Variants in NEK8 observed in about 807,000 individuals in gnomAD.
NEK8 encodes the protein NIMA related kinase 8, also known as serine/threonine-protein kinase Nek8.
NEK8 carries 51 observed loss-of-function variants against 77.2 expected under a neutral mutation model. The ratio of observed to expected loss-of-function variants is 0.66; its 90% confidence interval spans 0.53 to 0.83. NEK8 has a LOEUF of 0.83. Ranked by LOEUF, NEK8 falls within the 40% of genes least tolerant of loss-of-function variation. NEK8 has a pLI of 0.00. For synonymous variants in NEK8, 365 were observed against 363.2 expected (o/e 1.00, Z -0.06); for missense variants, 787 against 909.2 (o/e 0.87, Z 1.73).
intron 8 of NEK8, 132 bp from the exon 9 acceptor site, chr17:28,738,539 C>A: frequency 1.2e-6 from 1 of 827,774 alleles, no homozygotes; most frequent in South Asian, 1.4e-5. Flanking sequence ...ATCCTTTTCT[C>A]TCTTCCTATC....
intron 3 of NEK8, 103 bp from the exon 4 acceptor site, chr17:28,735,137 C>G (rs967324474): frequency 9.6e-6 from 15 of 1,565,980 alleles, no homozygotes; most frequent in Non-Finnish European, 1.3e-5. Flanking sequence ...AGGAGGAAGC[C>G]CCTTGGCTTG....
chr17:28,736,501 T>A (rs1280504202), intron 4 of NEK8, among the ~76,000 whole-genome samples: 1 of 152,286 alleles, frequency 6.6e-6, no homozygotes, highest in African/African-American at 2.4e-5. Flanking sequence ...ATTGTGGTTT[T>A]GATTTGCATT....
rs1242889930 is a variant in NEK8, at chr17:28,728,851, G to A, written c.38G>A (p.Gly13Asp). The A allele has an allele frequency of 2.6e-6, 4 of 1,551,216 alleles. No homozygotes were observed. The highest frequency in any genetic ancestry group is 8.7e-7 in the Non-Finnish European group (1 of 1,146,534). Residue 13 changes from glycine (G) to aspartate (D), a missense_variant, in exon 1 of 15, where the codon GGT becomes GAT. Physicochemically the swap from Gly to Asp is moderately conservative, Grantham distance 94. Transcript: ENST00000268766. ...GAGCGGATCCGAGTGGTGGGGAGAGGTGCCTTCGGGTGAGCCAGGGCTCTG... is the reference window on the plus strand; with the variant it reads ...GAGCGGATCCGAGTGGTGGGGAGAGATGCCTTCGGGTGAGCCAGGGCTCTG... ...KYERIRVVGR[G>D]AFGIVHLCLR...
At chr17:28,730,167 T>C (rs947861666) in intron 1 of NEK8, among the ~76,000 whole-genome samples, 10 of 151,942 alleles carry the variant, frequency 6.6e-5, no homozygotes, top group African/African-American at 2.4e-4. Flanking sequence ...GGCTGGAGTG[T>C]AGTGGCAATC....
In NEK8 at chr17:28,741,613, G is replaced by T. The variant is rs754406503; in HGVS notation, c.2050+42G>T. Reference sequence around the variant, plus strand: ...CCCACTTCACCACACAGCCCAGCTGGCCCCTGTCCACACTCCCATCCCCAG... The same window carrying T: ...CCCACTTCACCACACAGCCCAGCTGTCCCCTGTCCACACTCCCATCCCCAG... On this transcript the variant is annotated intron_variant, in intron 14 of 14. Coordinates refer to ENST00000268766, the MANE Select transcript of NEK8 (RefSeq NM_178170.3). This position sits in a 1 kb window ranked among gnomAD's most constrained non-coding sequence, Gnocchi z 4.5. 1 of 1,606,918 alleles carries T rather than the reference G, an allele frequency of 6.2e-7. No homozygotes were observed. Among genetic ancestry groups the T allele is most frequent in the Non-Finnish European group, 8.5e-7 (1 of 1,174,662 alleles).
rs759807964 is a variant in NEK8, at chr17:28,734,882, C to T, written c.364C>T (p.His122Tyr). The T allele has an allele frequency of 3.7e-6, 6 of 1,613,432 alleles. No individual in the cohort carries two copies. The highest frequency in any genetic ancestry group is 2.7e-5 in the African/African-American group (2 of 74,888). The change falls in exon 3 of 15, where the codon CAC becomes TAC. Residue 122 changes from histidine (H) to tyrosine (Y), a missense_variant. Physicochemically the swap from His to Tyr is moderately conservative, Grantham distance 83 (BLOSUM62 2). This residue lies in a region of NEK8 where 271 missense variants were observed against 365.1 expected (regional missense o/e 0.74). Coordinates refer to ENST00000268766, the MANE Select transcript of NEK8 (RefSeq NM_178170.3). ...ILLALHHVHTHLILHRDLKTQ... is the reference protein window; with the variant it reads ...ILLALHHVHTYLILHRDLKTQ... ...GCTTGCACTGCATCATGTGCACACC[C>T]ACCTCATCCTGCACCGAGACCTCAA...
Position 28,740,870 on chromosome 17 carries a change from C to G in NEK8, c.1617C>G (p.Val539=), listed in dbSNP as rs1483326019. 1 of 1,614,084 alleles carries G rather than the reference C, an allele frequency of 6.2e-7. No homozygotes were observed. The highest frequency in any genetic ancestry group is 8.5e-7 in the Non-Finnish European group (1 of 1,180,016). The change falls in exon 12 of 15, where the codon GTC becomes GTG. Residue 539 remains valine, a synonymous_variant. Coordinates refer to ENST00000268766, the MANE Select transcript of NEK8 (RefSeq NM_178170.3). This position sits in a 1 kb window ranked among gnomAD's most constrained non-coding sequence, Gnocchi z 4.7. ...ACCTCTCCCTGGGGGAGGAGCCTGT[C>G]CCCCACCAGCAAGTGGAGGAGGCCC... is the stretch of plus-strand genomic sequence containing the variant. ...LDHLSLGEEP[V]PHQQVEEALS...
intron 8 of NEK8, 26 bp from the exon 9 acceptor site, chr17:28,738,645 T>C (rs1430632365): frequency 6.2e-7 from 1 of 1,608,798 alleles, no homozygotes. Context: ...CTTTCCCTTC[T>C]CCTTCCTCAC....
At position 28,734,955 on chromosome 17, in the gene NEK8, G is replaced by T. The variant is rs770564532; in HGVS notation, c.437G>T (p.Gly146Val). 1.2e-6 allele frequency: 2 copies of T among 1,613,446 alleles called. No homozygotes were observed. Among genetic ancestry groups the T allele is most frequent in the Admixed American group, 3.3e-5 (2 of 60,000 alleles). The stretch of plus-strand genomic sequence containing the variant: ...AAACACCGCATGGTCGTCAAGATCG[G>T]TGATTTCGGCATCTCCAAGATCCTT... Reference protein sequence around the residue: ...LDKHRMVVKIGDFGISKILSS... With the variant: ...LDKHRMVVKIVDFGISKILSS... Residue 146 changes from glycine (G) to valine (V), a missense_variant, in exon 3 of 15, where the codon GGT (glycine) becomes GTT (valine). Coordinates refer to ENST00000268766, the MANE Select transcript of NEK8 (RefSeq NM_178170.3).
chr17:28,740,797 A>C lies in NEK8; in HGVS notation c.1569-25A>C, dbSNP rs202189640. ...CCTGCCCAAACTGTCTGTCAGTTGGATTTGGCTTCTGGCTCTGCCCTCAGG... is the reference window on the plus strand; with the variant it reads ...CCTGCCCAAACTGTCTGTCAGTTGGCTTTGGCTTCTGGCTCTGCCCTCAGG... On this transcript the variant is annotated intron_variant, in intron 11 of 14. Transcript: ENST00000268766. The surrounding 1 kb of genome is among the most constrained non-coding windows in gnomAD (Gnocchi z 4.7). The C allele has an allele frequency of 6.2e-6, 10 of 1,612,844 alleles. No individual in the cohort carries two copies. Among genetic ancestry groups the C allele is most frequent in the Non-Finnish European group, 8.5e-6 (10 of 1,179,948 alleles).
Position 28,740,962 on chromosome 17 carries a change from C to T in NEK8, c.1709C>T (p.Thr570Ile). ...CCTCTGCTGAGTATAGACCTGGGCA[C>T]TGCTCACTCAGCTGCTGTGACTGGT... is the stretch of plus-strand genomic sequence containing the variant. Reference protein sequence around the residue: ...QEPLLSIDLGTAHSAAVTASG... With the variant: ...QEPLLSIDLGIAHSAAVTASG... Residue 570 changes from threonine (T) to isoleucine (I), a missense_variant, in exon 12 of 15, where the codon ACT becomes ATT. Physicochemically the swap from Thr to Ile is moderately conservative, Grantham distance 89. Coordinates refer to ENST00000268766, the MANE Select transcript of NEK8 (RefSeq NM_178170.3). This position sits in a 1 kb window ranked among gnomAD's most constrained non-coding sequence, Gnocchi z 4.7. The T allele has an allele frequency of 1.2e-6, 2 of 1,614,162 alleles. No homozygotes were observed. The highest frequency in any genetic ancestry group is 4.5e-5 in the East Asian group (2 of 44,860).
Position 28,742,327 on chromosome 17 carries a change from C to G in NEK8, c.*340C>G. ...GGCTGAAGGCAGCCGGGCGCAGTGG[C>G]TCACGCCTGTAATCCCAGCACTTTG... On this transcript the variant is annotated 3_prime_UTR_variant, in exon 15 of 15. Coordinates refer to ENST00000268766, the MANE Select transcript of NEK8 (RefSeq NM_178170.3). 2.4e-6 allele frequency: 1 copy of G among 424,030 alleles called. No homozygotes were observed. The highest frequency in any genetic ancestry group is 2.1e-5 in the South Asian group (1 of 47,214). 26.3% of individuals were successfully genotyped at this position (424,030 alleles called of 1,614,324 possible). A position where few individuals can be genotyped will look rare whatever the true frequency, so the allele number is the denominator to read the frequency against.
intron 9 of NEK8, 78 bp from the exon 10 acceptor site, chr17:28,739,006 T>C (rs1202791644): frequency 3.6e-5 from 38 of 1,045,618 alleles, no homozygotes; most frequent in Non-Finnish European, 1.4e-5. Context: ...GCCTCCAGCT[T>C]TGTCCCTACA....
In NEK8 at chr17:28,742,325, G is replaced by A. The variant is rs555831494; in HGVS notation, c.*338G>A. 31 of 429,456 alleles carry A rather than the reference G, an allele frequency of 7.2e-5. No individual in the cohort carries two copies. Among genetic ancestry groups the A allele is most frequent in the South Asian group, 6.3e-4 (30 of 47,274 alleles). 26.6% of individuals were successfully genotyped at this position (429,456 alleles called of 1,614,324 possible). On this transcript the variant is annotated 3_prime_UTR_variant, in exon 15 of 15. Coordinates refer to ENST00000268766, the MANE Select transcript of NEK8 (RefSeq NM_178170.3). ...AAGGCTGAAGGCAGCCGGGCGCAGT[G>A]GCTCACGCCTGTAATCCCAGCACTT... is the stretch of plus-strand genomic sequence containing the variant.
Position 28,741,834 on chromosome 17 carries a change from C to A in NEK8, c.2051-125C>A. The A allele has an allele frequency of 9.2e-7, 1 of 1,089,934 alleles. No homozygotes were observed. The highest frequency in any genetic ancestry group is 1.4e-6 in the Non-Finnish European group (1 of 705,770). The allele number at this position is 1,089,934 out of a possible 1,614,324, so 67.5% of individuals were successfully genotyped here. On this transcript the variant is annotated intron_variant, in intron 14 of 14. Coordinates refer to ENST00000268766, the MANE Select transcript of NEK8 (RefSeq NM_178170.3). This position sits in a 1 kb window ranked among gnomAD's most constrained non-coding sequence, Gnocchi z 4.5. ...CTCCTACTGCTGAGTCCCGTTGATG[C>A]TGAAACTCTCTTTCTGGCCTAACAG...
rs1408957199 is a variant in NEK8 at position 28,741,457 on chromosome 17, G to A, written c.1936G>A (p.Gly646Arg). Residue 646 changes from glycine to arginine, a missense_variant, in exon 14 of 15, where the codon GGA (glycine) becomes AGA (arginine). By Grantham distance (125) the Gly-to-Arg change is moderately radical. Transcript: ENST00000268766. This position sits in a 1 kb window ranked among gnomAD's most constrained non-coding sequence, Gnocchi z 4.5. ...SWGKGARGRLGRRDEDAGLPR... is the reference protein window; with the variant it reads ...SWGKGARGRLRRRDEDAGLPR... ...GGGCAAAGGGGCGCGAGGTCGATTG[G>A]GAAGGAGGGATGAGGATGCCGGACT... is the stretch of plus-strand genomic sequence containing the variant. 6.2e-7 allele frequency: 1 copy of A among 1,614,178 alleles called. No individual in the cohort carries two copies.
Position 28,742,233 on chromosome 17 carries a change from C to T in NEK8, c.*246C>T. On this transcript the variant is annotated 3_prime_UTR_variant, in exon 15 of 15. Transcript: ENST00000268766. ...TTCAGTCAGTGTCCCCAGGGTCCAGCCTGGCTAGAGTTAGAAGGCAGACCT... is the reference window on the plus strand; with the variant it reads ...TTCAGTCAGTGTCCCCAGGGTCCAGTCTGGCTAGAGTTAGAAGGCAGACCT... The T allele has an allele frequency of 4.9e-6, 3 of 615,330 alleles. No homozygotes were observed. Among genetic ancestry groups the T allele is most frequent in the Non-Finnish European group, 8.8e-6 (3 of 339,960 alleles). The allele number at this position is 615,330 out of a possible 1,614,324, so 38.1% of individuals were successfully genotyped here.
Position 28,734,765 on chromosome 17 carries a change from G to A in NEK8, c.254-7G>A, listed in dbSNP as rs1488061580. ...GCCTGGATCTTGATTAGTCCCTTGG[G>A]CCACAGGCGGCACTCTGGCTGAGTT... is the stretch of plus-strand genomic sequence containing the variant. On this transcript the variant is annotated splice_polypyrimidine_tract_variant and splice_region_variant and intron_variant, in intron 2 of 14. Transcript: ENST00000268766. 6.2e-7 allele frequency: 1 copy of A among 1,607,528 alleles called. No homozygotes were observed.
intron 10 of NEK8, 110 bp downstream of exon 10, chr17:28,739,311 A>T: frequency 1.2e-6 from 1 of 812,290 alleles, no homozygotes; most frequent in Non-Finnish European, 2.2e-6. Flanking sequence ...CTTTTCTCTC[A>T]AATTCTCTTC....
Sources: gnomAD v4.1 joint callset for allele counts (sites outside exome capture counted in the v4.1 genomes callset) on GRCh38, gnomAD v4.1.1 for gene constraint, gnomAD v4.1.1 regional missense constraint, Gnocchi (gnomAD v3.1) non-coding constraint, MANE v1.5 for transcripts, NCBI Gene and HGNC (gene_info 2026-07-23, HGNC 2026-07-21) for gene names.